NCR2: variants seen among roughly 807,000 people sequenced by gnomAD.
The protein encoded by NCR2 is NK cell activating receptor (NKp44).
NCR2 carries 35 observed loss-of-function variants against 30.7 expected under a neutral mutation model. That is an observed-to-expected ratio of 1.14 (90% confidence interval 0.87 to 1.51). The LOEUF is 1.51. Ranked by LOEUF, NCR2 falls within the 40% of genes most tolerant of loss-of-function variation. The pLI is 0.00. For synonymous variants in NCR2, 146 were observed against 134.8 expected (o/e 1.08, Z -0.58); for missense variants, 316 against 328.9 (o/e 0.96, Z 0.30).
chr6:41,342,917 G>A, intron 4 of NCR2: 1 of 1,550,384 alleles, frequency 6.5e-7, no homozygotes, highest in Non-Finnish European at 8.7e-7. Flanking sequence ...CTCATCTCAA[G>A]GGTTTTAAGG....
rs536743034 is a variant in NCR2 at position 41,336,311 on chromosome 6, A to G, written c.277A>G (p.Thr93Ala). The G allele has an allele frequency of 4.3e-6, 7 of 1,614,114 alleles. No individual in the cohort carries two copies. The South Asian group carries it at 6.6e-5, about 15-fold the overall frequency. Residue 93 changes from threonine to alanine, a missense_variant, in exon 2 of 5, where the codon ACT becomes GCT. Coordinates refer to ENST00000373089, the MANE Select transcript of NCR2 (RefSeq NM_004828.4). ...IWDDPDAGFF[T>A]VTMTDLREED... Reference sequence around the variant, plus strand: ...GGACGACCCTGATGCTGGCTTCTTCACTGTCACCATGACTGATCTGAGAGA... The same window carrying G: ...GGACGACCCTGATGCTGGCTTCTTCGCTGTCACCATGACTGATCTGAGAGA...
chr6:41,341,201 T>C (rs1769159740), intron 2 of NCR2, among the ~76,000 whole-genome samples: 1 of 151,944 alleles, frequency 6.6e-6, no homozygotes, highest in Non-Finnish European at 1.5e-5. Flanking sequence ...ATTCCCCACC[T>C]CCACCAAGGG....
rs1769009231 is a variant in NCR2, at chr6:41,335,912, G to A, written c.36G>A (p.Leu12=). The change falls in exon 1 of 5, where the codon CTG becomes CTA. Residue 12 remains leucine, a synonymous_variant. Transcript: ENST00000373089. ...AWRALHPLLL[L]LLLFPGSQAQ... ...GAGCCCTACACCCACTGCTACTGCTGCTGCTGCTGTTCCCAGGTGAGGGGG... is the reference window on the plus strand; with the variant it reads ...GAGCCCTACACCCACTGCTACTGCTACTGCTGCTGTTCCCAGGTGAGGGGG... 2 of 1,571,414 alleles carry A rather than the reference G, an allele frequency of 1.3e-6. No individual in the cohort carries two copies. Among genetic ancestry groups the A allele is most frequent in the Non-Finnish European group, 1.7e-6 (2 of 1,157,764 alleles).
At chr6:41,346,728 G>C (rs1769308638) in intron 4 of NCR2, among the ~76,000 whole-genome samples, 1 of 151,054 alleles carries the variant, frequency 6.6e-6, no homozygotes, top group Admixed American at 6.6e-5. Context: ...CTCCATTCTA[G>C]ACCCACATCA....
rs1447897373 is a variant in NCR2 at position 41,341,832 on chromosome 6, C to G, written c.433C>G (p.Leu145Val). The G allele has an allele frequency of 5.6e-6, 9 of 1,613,170 alleles. No homozygotes were observed. In the East Asian group the frequency reaches 1.6e-4, roughly 28 times the overall value. Reference sequence around the variant, plus strand: ...ACAGACCTCCTGGACTCCCCGCGACCTGGTCTCTTCACAGACCCAGACCCA... The same window carrying G: ...ACAGACCTCCTGGACTCCCCGCGACGTGGTCTCTTCACAGACCCAGACCCA... ...STQTSWTPRD[L>V]VSSQTQTQSC... is the part of the protein sequence containing the mutation. Residue 145 changes from leucine to valine, a missense_variant, in exon 3 of 5, where the codon CTG (leucine) becomes GTG (valine). By Grantham distance (32) the Leu-to-Val change is conservative. Transcript: ENST00000373089.
chr6:41,348,023 A>C (rs1032062223), intron 4 of NCR2, among the ~76,000 whole-genome samples: 2 of 152,206 alleles, frequency 1.3e-5, no homozygotes, highest in African/African-American at 4.8e-5. Context: ...TAGTCTCTGA[A>C]ATCACAAACC....
chr6:41,338,282 G>A (rs1416073410), intron 2 of NCR2, among the ~76,000 whole-genome samples: 1 of 152,164 alleles, frequency 6.6e-6, no homozygotes, highest in African/African-American at 2.4e-5. Context: ...AGCTGTTTAT[G>A]ATCTGTTTCC....
intron 4 of NCR2, among the ~76,000 whole-genome samples, chr6:41,343,828 T>C (rs898753081): frequency 2.0e-5 from 3 of 152,190 alleles, no homozygotes; most frequent in African/African-American, 4.8e-5. Flanking sequence ...CTTGGTGGTG[T>C]GGAACCTTAG....
At chr6:41,340,875 C>T (rs1326410016) in intron 2 of NCR2, among the ~76,000 whole-genome samples, 5 of 152,090 alleles carry the variant, frequency 3.3e-5, no homozygotes, top group Admixed American at 3.3e-4. Flanking sequence ...GGATCGTGCC[C>T]ACAGGTCCAT....
intron 4 of NCR2, 139 bp downstream of exon 4, chr6:41,342,288 T>C (rs756402562): frequency 2.0e-5 from 24 of 1,193,358 alleles, no homozygotes; most frequent in Non-Finnish European, 2.3e-5. Flanking sequence ...AAAGCCCTCA[T>C]GGAGTCCATC....
chr6:41,348,331 T>A (rs1285103996), intron 4 of NCR2, among the ~76,000 whole-genome samples: 10 of 152,126 alleles, frequency 6.6e-5, no homozygotes. Flanking sequence ...ATTCCTCAAA[T>A]ACAATTCTCA....
chr6:41,335,966 G>A (rs1003274296), intron 1 of NCR2, 38 bp downstream of exon 1: 2 of 1,576,390 alleles, frequency 1.3e-6, no homozygotes, highest in South Asian at 1.2e-5. Flanking sequence ...AGAGGAGATG[G>A]GTGTGGTGGG....
At chr6:41,344,487 A>G (rs1054030107) in intron 4 of NCR2, among the ~76,000 whole-genome samples, 4 of 152,094 alleles carry the variant, frequency 2.6e-5, no homozygotes, top group African/African-American at 4.8e-5. Flanking sequence ...CCTGTTTGTC[A>G]TCTATTTTTC....
chr6:41,343,030 C>T lies in NCR2; in HGVS notation c.644+881C>T, dbSNP rs146166036. The stretch of plus-strand genomic sequence containing the variant: ...ACTGAGCCACAGGGCACCAGGTGGG[C>T]GGCCAGTCTCCAACAAGGCTGGGCT... On this transcript the variant is annotated intron_variant, in intron 4 of 4. Transcript: ENST00000373089. 626 of 1,548,530 alleles carry T rather than the reference C, an allele frequency of 4.0e-4. 3 individuals are homozygous for T. In the African/African-American group the frequency reaches 7.7e-3, roughly 19 times the overall value.
chr6:41,342,794 A>C, intron 4 of NCR2: 1 of 748,786 alleles, frequency 1.3e-6, no homozygotes, highest in Non-Finnish European at 2.2e-6. Context: ...GGCTGAGTGA[A>C]AGGTGCAGGG....
rs1274610357 is a variant in NCR2 at position 41,342,084 on chromosome 6, G to C, written c.579G>C (p.Leu193=). 6.2e-7 allele frequency: 1 copy of C among 1,613,852 alleles called. No individual in the cohort carries two copies. Among genetic ancestry groups the C allele is most frequent in the Non-Finnish European group, 8.5e-7 (1 of 1,180,014 alleles). ...CTGGCCCTGCAGCCCCCATTGCCCT[G>C]GTGCCTGTGTTCTGTGGACTCCTCG... The part of the protein sequence containing the change: ...LRPGPAAPIA[L]VPVFCGLLVA... The change falls in exon 4 of 5, where the codon CTG becomes CTC. Residue 193 remains leucine (L), a synonymous_variant. Coordinates refer to ENST00000373089, the MANE Select transcript of NCR2 (RefSeq NM_004828.4).
chr6:41,348,415 T>C (rs1437382664), intron 4 of NCR2, among the ~76,000 whole-genome samples: 1 of 151,578 alleles, frequency 6.6e-6, no homozygotes, highest in Non-Finnish European at 1.5e-5. Context: ...AGTACAGTCA[T>C]AGGAAAACCA....
intron 1 of NCR2, 50 bp from the exon 2 acceptor site, chr6:41,336,037 G>A (rs375407981): frequency 6.3e-7 from 1 of 1,591,396 alleles, no homozygotes; most frequent in Non-Finnish European, 8.6e-7. Context: ...CTGCTGTGAG[G>A]CAGGTTGTGC....
intron 4 of NCR2, chr6:41,343,120 T>A: frequency 8.9e-7 from 1 of 1,122,064 alleles, no homozygotes; most frequent in South Asian, 1.5e-5. Flanking sequence ...CAGGACTTGA[T>A]CCAAGGCCTT....
Sources: gnomAD v4.1 joint callset for allele counts (sites outside exome capture counted in the v4.1 genomes callset) on GRCh38, gnomAD v4.1.1 for gene constraint, MANE v1.5 for transcripts, NCBI Gene and HGNC (gene_info 2026-07-23, HGNC 2026-07-21) for gene names.